The following PDE10A variants were observed in gnomAD, a reference collection of about 807,000 sequenced individuals.
PDE10A encodes phosphodiesterase 10A.
PDE10A carries 39 observed loss-of-function variants against 97.7 expected under a neutral mutation model. That is an observed-to-expected ratio of 0.40 (90% CI 0.31 to 0.52). The LOEUF (loss-of-function observed/expected upper bound fraction) is 0.52, where lower values mean the gene tolerates loss of function less well. PDE10A is among the 20% of genes least tolerant of loss of function. The pLI, the probability that PDE10A is intolerant of heterozygous loss-of-function variation, is 0.56. For missense variants in PDE10A, 731 were observed against 1,047.8 expected (o/e 0.70, Z 4.17); for synonymous variants, 371 against 376.8 (o/e 0.98, Z 0.18).
chr6:165,969,089 G>T (rs976204197), intron 1 of PDE10A, among the ~76,000 whole-genome samples: 2 of 152,208 alleles, frequency 1.3e-5, no homozygotes, highest in African/African-American at 4.8e-5. Context: ...ATTTGACAAT[G>T]CCATCAGATG....
At chr6:165,758,616 C>T (rs1448683843) in intron 1 of PDE10A, among the ~76,000 whole-genome samples, 1 of 144,054 alleles carries the variant, frequency 6.9e-6, no homozygotes, top group Admixed American at 7.1e-5. Flanking sequence ...GAAGAAGCAG[C>T]AGAAGAAGAG....
At chr6:165,644,948 A>G (rs1189863540) in intron 1 of PDE10A, among the ~76,000 whole-genome samples, 3 of 152,248 alleles carry the variant, frequency 2.0e-5, no homozygotes, top group Non-Finnish European at 2.9e-5. Context: ...AAAAAATCAT[A>G]CACCTCAGAC....
At chr6:165,398,315 C>T (rs1345096790) in intron 13 of PDE10A, among the ~76,000 whole-genome samples, 1 of 152,052 alleles carries the variant, frequency 6.6e-6, no homozygotes, top group Non-Finnish European at 1.5e-5. Context: ...CCTGTCTCTA[C>T]TAAAAACACA....
At chr6:165,456,784 T>C (rs540138723) in intron 3 of PDE10A, among the ~76,000 whole-genome samples, 2 of 152,352 alleles carry the variant, frequency 1.3e-5, no homozygotes, top group Middle Eastern at 3.4e-3. Context: ...TTTCATCTAA[T>C]AGAATGTTAG....
chr6:165,560,036 A>G (rs1784444196), intron 1 of PDE10A, among the ~76,000 whole-genome samples: 2 of 152,154 alleles, frequency 1.3e-5, no homozygotes, highest in African/African-American at 2.4e-5. Context: ...TTTCCCTGAT[A>G]TGCACACTCT....
At chr6:165,804,364 A>T (rs1779059294) in intron 1 of PDE10A, among the ~76,000 whole-genome samples, 1 of 152,116 alleles carries the variant, frequency 6.6e-6, no homozygotes, top group Admixed American at 6.5e-5. Context: ...TTCCATTGCG[A>T]TATTATAATT....
chr6:165,450,430 G>GT, intron 3 of PDE10A, 68 bp from the exon 4 acceptor site: 4 of 816,176 alleles, frequency 4.9e-6, no homozygotes, highest in Non-Finnish European at 7.5e-6. Context: ...TCCTTAGTCT[G>GT]TAAGACATAC....
intron 1 of PDE10A, among the ~76,000 whole-genome samples, chr6:165,779,151 C>A (rs1208847033): frequency 1.3e-5 from 2 of 152,172 alleles, no homozygotes; most frequent in Non-Finnish European, 2.9e-5. Context: ...GCCTTCCACA[C>A]AAACTATTAG....
intron 13 of PDE10A, among the ~76,000 whole-genome samples, chr6:165,410,817 G>A (rs960142590): frequency 7.3e-5 from 11 of 151,252 alleles, no homozygotes; most frequent in Non-Finnish European, 1.2e-4. Context: ...GGCCGGGCGC[G>A]GTGGCTCACG....
At chr6:165,832,372 G>A (rs1779945592) in intron 1 of PDE10A, among the ~76,000 whole-genome samples, 1 of 151,626 alleles carries the variant, frequency 6.6e-6, no homozygotes, top group Non-Finnish European at 1.5e-5. Flanking sequence ...CTACCTTGTC[G>A]AAGTTTATAA....
intron 1 of PDE10A, among the ~76,000 whole-genome samples, chr6:165,982,753 T>C (rs1785057341): frequency 6.7e-6 from 1 of 149,244 alleles, no homozygotes; most frequent in African/African-American, 2.4e-5. Context: ...TAAATACAAC[T>C]ATTCGGGGTT....
At chr6:165,540,692 C>T (rs757469929) in intron 2 of PDE10A, among the ~76,000 whole-genome samples, 14 of 152,246 alleles carry the variant, frequency 9.2e-5, no homozygotes, top group Non-Finnish European at 1.3e-4. Context: ...TGCAGTGGTG[C>T]GATCTCTGCT....
intron 1 of PDE10A, among the ~76,000 whole-genome samples, chr6:165,621,415 CA>C (rs1282908103): frequency 6.6e-6 from 1 of 152,120 alleles, no homozygotes; most frequent in Non-Finnish European, 1.5e-5. Flanking sequence ...CTTTCCCCTT[CA>C]AAATAGGATC....
intron 18 of PDE10A, among the ~76,000 whole-genome samples, chr6:165,345,604 T>A (rs1249565780): frequency 6.6e-6 from 1 of 152,248 alleles, no homozygotes; most frequent in African/African-American, 2.4e-5. Context: ...ATGCTAAGCC[T>A]ACTCTTGGTT....
chr6:165,554,361 T>C (rs532654456), intron 1 of PDE10A, among the ~76,000 whole-genome samples: 13 of 152,132 alleles, frequency 8.5e-5, no homozygotes, highest in Middle Eastern at 3.4e-3. Context: ...AAGATTTAAA[T>C]AGACATTTCT....
chr6:165,525,215 C>G (rs772342411), intron 2 of PDE10A, among the ~76,000 whole-genome samples: 4 of 152,060 alleles, frequency 2.6e-5, no homozygotes, highest in African/African-American at 7.2e-5. Context: ...TTTATATAAA[C>G]ATAAATCTGG....
At chr6:165,460,872 T>G (rs542112768) in intron 3 of PDE10A, among the ~76,000 whole-genome samples, 1 of 152,240 alleles carries the variant, frequency 6.6e-6, no homozygotes, top group Admixed American at 6.5e-5. Context: ...AAAAAAAATT[T>G]GCAAGGTTTG....
At chr6:165,829,062 C>G (rs1431567880) in intron 1 of PDE10A, among the ~76,000 whole-genome samples, 1 of 152,150 alleles carries the variant, frequency 6.6e-6, no homozygotes, top group Non-Finnish European at 1.5e-5. Context: ...GGGTCCCCAC[C>G]AAAAGAGAAA....
chr6:165,515,726 G>A (rs1781763711), intron 2 of PDE10A, among the ~76,000 whole-genome samples: 1 of 151,992 alleles, frequency 6.6e-6, no homozygotes, highest in South Asian at 2.1e-4. Context: ...GATTCACCAT[G>A]TTGATCAGGC....
Sources: allele counts gnomAD v4.1 joint callset (sites outside exome capture counted in the v4.1 genomes callset), GRCh38; gene constraint gnomAD v4.1.1; transcripts MANE v1.5; gene names NCBI Gene and HGNC (gene_info 2026-07-23, HGNC 2026-07-21).